Variants in MEIS2 observed in about 807,000 individuals in gnomAD.
The protein encoded by MEIS2 is homeobox protein Meis2.
Under a neutral mutation model 58.6 loss-of-function variants are expected in MEIS2, and 9 were observed. The observed-to-expected ratio is 0.15, with a 90% confidence interval of 0.09 to 0.27. MEIS2 has a LOEUF of 0.27. Ranked by LOEUF, MEIS2 falls within the 10% of genes least tolerant of loss-of-function variation. The probability of loss-of-function intolerance (pLI) is 1.00; values close to 1 mark genes in which losing one functional copy is unlikely to be tolerated. For missense variants in MEIS2, 427 were observed against 635.0 expected, an observed-to-expected ratio of 0.67 and a Z score of 3.52; for synonymous variants, 221 against 228.4, an observed-to-expected ratio of 0.97 and a Z score of 0.29.
At chr15:36,960,080 G>A (rs2059129615) in intron 8 of MEIS2, among the ~76,000 whole-genome samples, 1 of 152,104 alleles carries the variant, frequency 6.6e-6, no homozygotes, top group Non-Finnish European at 1.5e-5. Context: ...AACATTAAAA[G>A]CTATAATAAA....
intron 7 of MEIS2, among the ~76,000 whole-genome samples, chr15:37,064,570 T>C (rs961165558): frequency 1.3e-5 from 2 of 152,200 alleles, no homozygotes; most frequent in African/African-American, 4.8e-5. Context: ...CTATGCAAAA[T>C]GGAATACTAT....
intron 8 of MEIS2, among the ~76,000 whole-genome samples, chr15:37,009,019 G>A (rs967772454): frequency 6.6e-6 from 1 of 152,202 alleles, no homozygotes; most frequent in Admixed American, 6.5e-5. Context: ...GTCAGGCGTG[G>A]TGGCTTACGC....
intron 9 of MEIS2, among the ~76,000 whole-genome samples, chr15:36,949,957 G>C (rs2058698829): frequency 6.6e-6 from 1 of 151,976 alleles, no homozygotes; most frequent in Non-Finnish European, 1.5e-5. Context: ...AACTCCGTAT[G>C]AGGACTGTGC....
At chr15:36,923,555 A>G (rs990568209) in intron 9 of MEIS2, among the ~76,000 whole-genome samples, 3 of 152,172 alleles carry the variant, frequency 2.0e-5, no homozygotes, top group African/African-American at 7.2e-5. Flanking sequence ...ACACCTCCCA[A>G]AATGCATTAA....
intron 8 of MEIS2, among the ~76,000 whole-genome samples, chr15:36,998,045 C>G (rs1015749035): frequency 6.6e-6 from 1 of 152,100 alleles, no homozygotes; most frequent in African/African-American, 2.4e-5. Context: ...ACTGTACTGT[C>G]CCTTTAGATG....
intron 7 of MEIS2, among the ~76,000 whole-genome samples, chr15:37,070,449 C>T (rs535496170): frequency 1.4e-4 from 22 of 152,172 alleles, no homozygotes; most frequent in South Asian, 2.1e-4. Flanking sequence ...TGCATAAAAG[C>T]GTTTCAATGG....
intron 7 of MEIS2, among the ~76,000 whole-genome samples, chr15:37,077,195 G>T (rs766486103): frequency 6.6e-6 from 1 of 152,034 alleles, no homozygotes; most frequent in Non-Finnish European, 1.5e-5. Context: ...ACCCTGATCC[G>T]TGTGAGGAAA....
rs552841745 is a variant in MEIS2, at chr15:36,979,890, C to CAT, written c.901-29492_901-29491dup. On this transcript the variant is annotated intron_variant, in intron 8 of 11. Transcript: ENST00000561208. ...TATATAATAAATATATATAATAACA[C>CAT]ATATATATATTACTCTAAAGGATTA... Among the ~76,000 whole-genome samples the CAT allele has an allele frequency of 1.4e-4, 20 of 146,270 alleles. No homozygotes were observed. In the East Asian group the frequency reaches 3.2e-3, roughly 23 times the overall value.
chr15:36,998,178 T>C (rs1218260453), intron 8 of MEIS2, among the ~76,000 whole-genome samples: 1 of 151,934 alleles, frequency 6.6e-6, no homozygotes, highest in Admixed American at 6.6e-5. Context: ...TAAAGCCAGT[T>C]TGATCAGCAC....
intron 9 of MEIS2, among the ~76,000 whole-genome samples, chr15:36,930,573 T>C (rs2057938088): frequency 6.6e-6 from 1 of 152,192 alleles, no homozygotes; most frequent in Non-Finnish European, 1.5e-5. Context: ...TTAATTTATT[T>C]TGTTGTTTTG....
At chr15:37,098,524 G>A in intron 1 of MEIS2, 1 of 549,754 alleles carries the variant, frequency 1.8e-6, no homozygotes, top group Non-Finnish European at 2.6e-6. Flanking sequence ...TAAAAGTTGT[G>A]AGGAAAAAAT....
At chr15:36,927,330 G>C (rs2057788645) in intron 9 of MEIS2, among the ~76,000 whole-genome samples, 1 of 152,076 alleles carries the variant, frequency 6.6e-6, no homozygotes, top group Non-Finnish European at 1.5e-5. Flanking sequence ...AAGGTGAACT[G>C]TTTCCACAGA....
intron 5 of MEIS2, 164 bp from the exon 6 acceptor site, chr15:37,093,894 G>T: frequency 2.5e-6 from 2 of 805,728 alleles, no homozygotes; most frequent in Non-Finnish European, 3.9e-6. Flanking sequence ...ATAGTTGAAG[G>T]CAAGGAAACA....
At chr15:37,000,908 C>T (rs553027448) in intron 8 of MEIS2, among the ~76,000 whole-genome samples, 72 of 152,238 alleles carry the variant, frequency 4.7e-4, no homozygotes, top group African/African-American at 1.7e-3. Flanking sequence ...CACTTCCGGA[C>T]CCCCCACTCT....
At chr15:36,964,799 T>C (rs1055153080) in intron 8 of MEIS2, among the ~76,000 whole-genome samples, 1 of 152,184 alleles carries the variant, frequency 6.6e-6, no homozygotes, top group Admixed American at 6.5e-5. Context: ...ACATGTGCTA[T>C]GGTGTCATCA....
intron 9 of MEIS2, among the ~76,000 whole-genome samples, chr15:36,946,073 T>C (rs1279185159): frequency 6.6e-6 from 1 of 151,918 alleles, no homozygotes; most frequent in East Asian, 1.9e-4. Flanking sequence ...AATTCTGATA[T>C]AGCACTGAGA....
rs1024305897 is a variant in MEIS2, at chr15:37,083,982, T to C, written c.640-97A>G. 4.1e-5 allele frequency: 39 copies of C among 954,900 alleles called. No individual in the cohort carries two copies. In the Middle Eastern group the frequency reaches 6.7e-4, roughly 16 times the overall value. 59.2% of individuals were successfully genotyped at this position (954,900 alleles called of 1,614,324 possible). A position where few individuals can be genotyped will look rare whatever the true frequency, so the allele number is the denominator to read the frequency against. On this transcript the variant is annotated intron_variant, in intron 6 of 11. Transcript: ENST00000561208. ...GCACAGAAAGAGACAAAAAAATGTA[T>C]ACATATTAGTATTTGTGGCAGTAGG...
At chr15:37,015,485 A>AACAT (rs1567183548) in intron 8 of MEIS2, among the ~76,000 whole-genome samples, 1 of 150,996 alleles carries the variant, frequency 6.6e-6, no homozygotes, top group Non-Finnish European at 1.5e-5. Context: ...CACACACACA[A>AACAT]ACACACTTCT....
chr15:36,933,486 A>C (rs903377150), intron 9 of MEIS2, among the ~76,000 whole-genome samples: 12 of 152,040 alleles, frequency 7.9e-5, no homozygotes, highest in African/African-American at 2.9e-4. Context: ...TGGTTTAGAG[A>C]CCATTGAGAA....
Sources: gnomAD v4.1 joint callset for allele counts (sites outside exome capture counted in the v4.1 genomes callset) on GRCh38, gnomAD v4.1.1 for gene constraint, MANE v1.5 for transcripts, NCBI Gene and HGNC (gene_info 2026-07-23, HGNC 2026-07-21) for gene names.